The following GALNTL6 variants were observed in gnomAD, a reference collection of about 807,000 sequenced individuals.
The protein encoded by GALNTL6 is polypeptide N-acetylgalactosaminyltransferase like 6.
Under a neutral mutation model 73.7 loss-of-function variants are expected in GALNTL6, and 46 were observed. The ratio of observed to expected loss-of-function variants is 0.62; its 90% confidence interval spans 0.49 to 0.80. The LOEUF (loss-of-function observed/expected upper bound fraction) is 0.80. Ranked by LOEUF, GALNTL6 falls within the 30% of genes least tolerant of loss-of-function variation. The pLI, the probability that GALNTL6 is intolerant of heterozygous loss-of-function variation, is 0.00. For missense variants in GALNTL6, 604 were observed against 755.0 expected (o/e 0.80, Z 2.34); for synonymous variants, 259 against 263.7 (o/e 0.98, Z 0.17).
intron 2 of GALNTL6, among the ~76,000 whole-genome samples, chr4:171,914,153 A>G (rs1381174679): frequency 2.6e-5 from 4 of 152,160 alleles, no homozygotes; most frequent in African/African-American, 7.2e-5. Context: ...TCCCCCACAC[A>G]TGACATAGGA....
intron 5 of GALNTL6, among the ~76,000 whole-genome samples, chr4:172,463,878 ATATAT>A (rs1732703159): frequency 6.6e-6 from 1 of 152,176 alleles, no homozygotes; most frequent in African/African-American, 2.4e-5. Context: ...TTTAAATAGT[ATATAT>A]TATTAGTTTT....
intron 2 of GALNTL6, among the ~76,000 whole-genome samples, chr4:171,889,015 T>C (rs1736684721): frequency 6.6e-6 from 1 of 152,062 alleles, no homozygotes. Context: ...GCCTTGCTAC[T>C]TCATATGATC....
chr4:172,028,157 G>C (rs1176315485), intron 2 of GALNTL6, among the ~76,000 whole-genome samples: 1 of 151,882 alleles, frequency 6.6e-6, no homozygotes, highest in Non-Finnish European at 1.5e-5. Flanking sequence ...TAGCTAGCAA[G>C]AATTTACTAC....
intron 5 of GALNTL6, among the ~76,000 whole-genome samples, chr4:172,517,275 T>C (rs977424689): frequency 1.3e-5 from 2 of 151,678 alleles, no homozygotes; most frequent in Non-Finnish European, 2.9e-5. Context: ...GATGGCCAGG[T>C]AGTGGCTCAC....
intron 2 of GALNTL6, among the ~76,000 whole-genome samples, chr4:172,223,258 A>G (rs879574074): frequency 1.3e-5 from 2 of 152,072 alleles, no homozygotes; most frequent in Admixed American, 6.6e-5. Flanking sequence ...ATTTATTCAG[A>G]ATGTAAATAA....
At chr4:172,297,759 G>A (rs563756936) in intron 3 of GALNTL6, among the ~76,000 whole-genome samples, 1 of 152,130 alleles carries the variant, frequency 6.6e-6, no homozygotes, top group African/African-American at 2.4e-5. Context: ...CTGTTGCCTT[G>A]TAGTATAGTT....
intron 8 of GALNTL6, among the ~76,000 whole-genome samples, chr4:172,891,340 C>A (rs1031830095): frequency 6.6e-6 from 1 of 152,058 alleles, no homozygotes; most frequent in East Asian, 1.9e-4. Context: ...CCTTTAACAT[C>A]TTTTGTAAGG....
chr4:172,479,933 CAT>C (rs1246203091), intron 5 of GALNTL6, among the ~76,000 whole-genome samples: 9 of 152,162 alleles, frequency 5.9e-5, no homozygotes, highest in Non-Finnish European at 7.4e-5. Flanking sequence ...ATCAGAGACA[CAT>C]GTCATAAATA....
chr4:172,423,872 T>C (rs1731136429), intron 5 of GALNTL6, among the ~76,000 whole-genome samples: 1 of 152,090 alleles, frequency 6.6e-6, no homozygotes. Context: ...TCTCTTACAA[T>C]TATAAAAAGC....
intron 5 of GALNTL6, among the ~76,000 whole-genome samples, chr4:172,389,811 C>T (rs1465187327): frequency 2.0e-5 from 3 of 151,974 alleles, no homozygotes. Context: ...TGTAATATAT[C>T]GAATTAGTTG....
intron 5 of GALNTL6, among the ~76,000 whole-genome samples, chr4:172,581,439 T>C (rs750532593): frequency 1.3e-5 from 2 of 152,196 alleles, no homozygotes; most frequent in Non-Finnish European, 2.9e-5. Flanking sequence ...GAGTTCATCA[T>C]GGCAGCCTGC....
At chr4:171,878,401 T>C (rs1332220281) in intron 2 of GALNTL6, among the ~76,000 whole-genome samples, 2 of 152,214 alleles carry the variant, frequency 1.3e-5, no homozygotes, top group Non-Finnish European at 2.9e-5. Context: ...ATTACAGAAC[T>C]TTAAAATCAG....
intron 8 of GALNTL6, among the ~76,000 whole-genome samples, chr4:172,898,730 G>A (rs546931657): frequency 6.6e-6 from 1 of 152,304 alleles, no homozygotes; most frequent in East Asian, 1.9e-4. Flanking sequence ...TTATTAAACT[G>A]TAACAGCTAT....
chr4:172,939,170 C>T (rs1033835563), intron 9 of GALNTL6, among the ~76,000 whole-genome samples: 1 of 151,982 alleles, frequency 6.6e-6, no homozygotes, highest in Non-Finnish European at 1.5e-5. Flanking sequence ...GTGGCATGTG[C>T]CTATAGTCCC....
intron 5 of GALNTL6, among the ~76,000 whole-genome samples, chr4:172,572,557 A>G (rs1442711693): frequency 6.6e-6 from 1 of 152,118 alleles, no homozygotes; most frequent in Admixed American, 6.6e-5. Context: ...TTTTACATAA[A>G]TAATTCTGAT....
At chr4:172,648,734 C>T (rs1178913673) in intron 5 of GALNTL6, among the ~76,000 whole-genome samples, 3 of 152,188 alleles carry the variant, frequency 2.0e-5, no homozygotes, top group Non-Finnish European at 4.4e-5. Flanking sequence ...CTGTCTTCCT[C>T]CAACTGACGC....
chr4:172,686,156 C>A (rs1160774693), intron 5 of GALNTL6, among the ~76,000 whole-genome samples: 1 of 152,120 alleles, frequency 6.6e-6, no homozygotes, highest in African/African-American at 2.4e-5. Context: ...ACGCCTTGTG[C>A]TCTCATGGTC....
intron 7 of GALNTL6, among the ~76,000 whole-genome samples, chr4:172,827,482 A>G (rs1742328871): frequency 1.3e-5 from 2 of 152,190 alleles, no homozygotes; most frequent in South Asian, 4.1e-4. Flanking sequence ...CATGAATTCT[A>G]GGGAGGAAGT....
At chr4:172,607,937 G>C (rs563362674) in intron 5 of GALNTL6, among the ~76,000 whole-genome samples, 18 of 151,536 alleles carry the variant, frequency 1.2e-4, no homozygotes, top group Non-Finnish European at 2.2e-4. Flanking sequence ...ACTTTATAAT[G>C]GTGTCATTTG....
Sources: gnomAD v4.1 joint callset for allele counts (sites outside exome capture counted in the v4.1 genomes callset) on GRCh38, gnomAD v4.1.1 for gene constraint, MANE v1.5 for transcripts, NCBI Gene and HGNC (gene_info 2026-07-23, HGNC 2026-07-21) for gene names.